The following EBF2 variants were observed in gnomAD, a reference collection of about 807,000 sequenced individuals.
EBF2 encodes EBF transcription factor 2, also known as transcription factor COE2.
EBF2 carries 21 observed loss-of-function variants against 72.8 expected under a neutral mutation model. That is an observed-to-expected ratio of 0.29 (90% CI 0.20 to 0.42). EBF2 has a LOEUF of 0.42. Among genes scored for constraint, EBF2 ranks in the 10% least tolerant of loss-of-function variants. The pLI, the probability that EBF2 is intolerant of heterozygous loss-of-function variation, is 1.00. For missense variants in EBF2, 637 were observed against 731.2 expected (o/e 0.87, Z 1.49); for synonymous variants, 299 against 274.2 (o/e 1.09, Z -0.89).
At chr8:25,848,363 C>T (rs1801883528) in intron 15 of EBF2, among the ~76,000 whole-genome samples, 1 of 152,136 alleles carries the variant, frequency 6.6e-6, no homozygotes. Context: ...GGGGTGGTGA[C>T]CAGAATTTTG....
chr8:26,042,170 C>T lies in EBF2; in HGVS notation c.213G>A (p.Leu71=). The change falls in exon 2 of 16, where the codon CTG becomes CTA. Residue 71 remains leucine (L), a synonymous_variant. Transcript: ENST00000520164. ...GCTGGCCCTGCCTGTCATAGAGCGC[C>T]AGGACGAAGTGAAAGAAGTTGGATT... ...LRKSNFFHFV[L]ALYDRQGQPV... 6.2e-7 allele frequency: 1 copy of T among 1,614,150 alleles called. No homozygotes were observed.
chr8:25,959,713 C>T (rs190139085), intron 6 of EBF2, among the ~76,000 whole-genome samples: 1 of 152,242 alleles, frequency 6.6e-6, no homozygotes, highest in African/African-American at 2.4e-5. Flanking sequence ...GATGTGTCTA[C>T]CCCCAAGTTC....
At chr8:26,039,171 CAA>C (rs1194734823) in intron 5 of EBF2, among the ~76,000 whole-genome samples, 1 of 150,958 alleles carries the variant, frequency 6.6e-6, no homozygotes, top group African/African-American at 2.4e-5. Flanking sequence ...GTTAGGCACT[CAA>C]TAAACATTTG....
chr8:25,896,577 T>C (rs969813118), intron 7 of EBF2, among the ~76,000 whole-genome samples: 40 of 152,352 alleles, frequency 2.6e-4, no homozygotes, highest in African/African-American at 9.4e-4. Context: ...GGTTGCCATA[T>C]ATGTTATTTC....
chr8:25,843,078 G>A lies in EBF2; in HGVS notation c.*1531C>T, dbSNP rs749919972. 6 of 152,190 alleles carry A rather than the reference G, an allele frequency of 3.9e-5. No individual in the cohort carries two copies. Among genetic ancestry groups the A allele is most frequent in the Non-Finnish European group, 8.8e-5 (6 of 68,042 alleles). 9.4% of individuals were successfully genotyped at this position (152,190 alleles called of 1,614,324 possible). On this transcript the variant is annotated 3_prime_UTR_variant, in exon 16 of 16. Transcript: ENST00000520164. ...AGAATCAACCACTGTTAGCAGCTAA[G>A]GCAAGGTTCTTCCCCTCTAAGAGCT...
At chr8:26,024,924 T>C (rs2117248464) in intron 6 of EBF2, among the ~76,000 whole-genome samples, 1 of 152,234 alleles carries the variant, frequency 6.6e-6, no homozygotes, top group East Asian at 1.9e-4. Context: ...AGAATTATAA[T>C]ATAATTGGAA....
Position 26,044,291 on chromosome 8 carries a change from G to A in EBF2, c.131+438C>T, listed in dbSNP as rs989815580. On this transcript the variant is annotated intron_variant, in intron 1 of 15. Transcript: ENST00000520164. This position sits in a 1 kb window ranked among gnomAD's most constrained non-coding sequence, Gnocchi z 4.1. ...CCAGGAATCGCCCAGCAAGATGCGG[G>A]AGGTAGGCGCTCGCAGGCGGCGTGG... Among the ~76,000 whole-genome samples the A allele has an allele frequency of 2.4e-4, 37 of 152,144 alleles. No individual in the cohort carries two copies. The highest frequency in any genetic ancestry group is 8.8e-5 in the Non-Finnish European group (6 of 68,020).
chr8:25,941,480 A>T (rs1803668648), intron 6 of EBF2, among the ~76,000 whole-genome samples: 1 of 152,212 alleles, frequency 6.6e-6, no homozygotes, highest in Non-Finnish European at 1.5e-5. Context: ...CGCTGCGATT[A>T]CAGGCGTGAG....
intron 15 of EBF2, among the ~76,000 whole-genome samples, chr8:25,849,697 T>C (rs1484533161): frequency 6.6e-6 from 1 of 152,140 alleles, no homozygotes; most frequent in African/African-American, 2.4e-5. Context: ...CATATACTCA[T>C]CACATTTGTG....
At chr8:25,913,930 A>G (rs889025021) in intron 6 of EBF2, among the ~76,000 whole-genome samples, 6 of 152,218 alleles carry the variant, frequency 3.9e-5, no homozygotes, top group African/African-American at 1.4e-4. Context: ...TGCCTCTGAA[A>G]AGGAGATGGC....
chr8:26,040,666 G>A lies in EBF2; in HGVS notation c.358C>T (p.Arg120Cys). The A allele has an allele frequency of 6.4e-7, 1 of 1,555,144 alleles. No homozygotes were observed. Among genetic ancestry groups the A allele is most frequent in the South Asian group, 1.2e-5 (1 of 84,290 alleles). ...KLQLLYSNGV[R>C]TEQDLYVRLI... ...CTGACATAGAGGTCCTGTTCCGTGC[G>A]GACACCTGCGGGGACCGGAGGGGCA... is the stretch of plus-strand genomic sequence containing the variant. The change falls in exon 4 of 16, where the codon CGC becomes TGC. Residue 120 changes from arginine to cysteine, a missense_variant. Physicochemically the swap from Arg to Cys is radical, Grantham distance 180. Coordinates refer to ENST00000520164, the MANE Select transcript of EBF2 (RefSeq NM_022659.4).
At chr8:25,851,707 C>A (rs1801980540) in intron 14 of EBF2, among the ~76,000 whole-genome samples, 2 of 152,186 alleles carry the variant, frequency 1.3e-5, no homozygotes, top group Admixed American at 6.5e-5. Flanking sequence ...CATGACTTGA[C>A]AAAAGTGTTG....
intron 6 of EBF2, among the ~76,000 whole-genome samples, chr8:25,984,745 T>A (rs998657034): frequency 5.3e-5 from 8 of 151,910 alleles, no homozygotes; most frequent in African/African-American, 1.9e-4. Context: ...GGTAATGAAA[T>A]TTGCCCAGTA....
intron 6 of EBF2, among the ~76,000 whole-genome samples, chr8:26,018,551 G>A (rs1181697753): frequency 6.7e-6 from 1 of 148,398 alleles, no homozygotes; most frequent in Admixed American, 6.7e-5. Context: ...GGCGTCTATA[G>A]TCCCAGCTAC....
chr8:25,913,510 A>G (rs141299882), intron 6 of EBF2, among the ~76,000 whole-genome samples: 2 of 152,342 alleles, frequency 1.3e-5, no homozygotes, highest in Admixed American at 1.3e-4. Flanking sequence ...ACCATTATAC[A>G]GAACCTGTCT....
intron 10 of EBF2, among the ~76,000 whole-genome samples, chr8:25,873,378 T>G (rs573918638): frequency 6.6e-6 from 1 of 152,232 alleles, no homozygotes; most frequent in African/African-American, 2.4e-5. Context: ...GGCTTTCTTC[T>G]CTGAGGAGTA....
At chr8:25,986,118 G>C (rs1337076016) in intron 6 of EBF2, among the ~76,000 whole-genome samples, 1 of 147,860 alleles carries the variant, frequency 6.8e-6, no homozygotes, top group East Asian at 2.0e-4. Flanking sequence ...CATATTTGTT[G>C]AGCAACTATT....
chr8:25,889,759 T>A lies in EBF2; in HGVS notation c.744A>T (p.Pro248=). 1 of 1,613,746 alleles carries A rather than the reference T, an allele frequency of 6.2e-7. No individual in the cohort carries two copies. Among genetic ancestry groups the A allele is most frequent in the Non-Finnish European group, 8.5e-7 (1 of 1,179,682 alleles). The change falls in exon 8 of 16, where the codon CCA becomes CCT. Residue 248 remains proline (P), a synonymous_variant. Coordinates refer to ENST00000520164, the MANE Select transcript of EBF2 (RefSeq NM_022659.4). ...KHGRRARRLD[P]SEATPCIKAI... Reference sequence around the variant, plus strand: ...GAGCGCAGGCAGCCCTACCTTCCGATGGATCGAGTCTTCTTGCTCTCCGTC... The same window carrying A: ...GAGCGCAGGCAGCCCTACCTTCCGAAGGATCGAGTCTTCTTGCTCTCCGTC...
At chr8:25,867,507 C>A (rs1343417146) in intron 10 of EBF2, among the ~76,000 whole-genome samples, 1 of 152,228 alleles carries the variant, frequency 6.6e-6, no homozygotes, top group African/African-American at 2.4e-5. Context: ...TTCCTTCCTA[C>A]CTCTTTGGCC....
Sources: gnomAD v4.1 joint callset for allele counts (sites outside exome capture counted in the v4.1 genomes callset) on GRCh38, gnomAD v4.1.1 for gene constraint, Gnocchi (gnomAD v3.1) non-coding constraint, MANE v1.5 for transcripts, NCBI Gene and HGNC (gene_info 2026-07-23, HGNC 2026-07-21) for gene names.